UBTD1: variants seen among roughly 807,000 people sequenced by gnomAD.
UBTD1 encodes the protein ubiquitin domain containing 1.
A neutral mutation model predicts 21.7 loss-of-function variants in UBTD1; 19 were observed. That is an observed-to-expected ratio of 0.87 (90% CI 0.61 to 1.28). The LOEUF (loss-of-function observed/expected upper bound fraction) is 1.28. Ranked by LOEUF, UBTD1 falls within the 50% of genes most tolerant of loss-of-function variation. The pLI, the probability that UBTD1 is intolerant of heterozygous loss-of-function variation, is 0.00. For synonymous variants in UBTD1, 116 were observed against 135.1 expected, an observed-to-expected ratio of 0.86 and a Z score of 0.98; for missense variants, 282 against 315.1, an observed-to-expected ratio of 0.89 and a Z score of 0.80.
At chr10:97,569,073 T>C (rs887299385) in intron 2 of UBTD1, among the ~76,000 whole-genome samples, 3 of 152,232 alleles carry the variant, frequency 2.0e-5, no homozygotes, top group African/African-American at 7.2e-5. Context: ...TCCGCCCGCC[T>C]TGGCCTCCCG....
intron 1 of UBTD1, among the ~76,000 whole-genome samples, chr10:97,543,482 T>A (rs2040595488): frequency 6.6e-6 from 1 of 152,192 alleles, no homozygotes; most frequent in African/African-American, 2.4e-5. Context: ...GGACTCGGCA[T>A]GTTAGGCATT....
At chr10:97,547,511 G>A (rs1355297774) in intron 1 of UBTD1, among the ~76,000 whole-genome samples, 8 of 152,074 alleles carry the variant, frequency 5.3e-5, no homozygotes, top group Admixed American at 2.0e-4. Context: ...TAACCCCTGC[G>A]TTCTGCTGCA....
intron 1 of UBTD1, among the ~76,000 whole-genome samples, chr10:97,518,655 A>C (rs2040454596): frequency 6.6e-6 from 1 of 152,226 alleles, no homozygotes; most frequent in Non-Finnish European, 1.5e-5. Flanking sequence ...AAAGTGCAGC[A>C]GCTGTGCATC....
At chr10:97,550,288 T>C (rs1188017122) in intron 1 of UBTD1, among the ~76,000 whole-genome samples, 1 of 152,170 alleles carries the variant, frequency 6.6e-6, no homozygotes, top group South Asian at 2.1e-4. Context: ...AGCTTGGGGA[T>C]TGCCGCAGGT....
At chr10:97,516,714 G>A (rs1402645317) in intron 1 of UBTD1, among the ~76,000 whole-genome samples, 1 of 152,070 alleles carries the variant, frequency 6.6e-6, no homozygotes, top group African/African-American at 2.4e-5. Flanking sequence ...GGCAGAGGTT[G>A]CAGCCGAGAT....
intron 1 of UBTD1, among the ~76,000 whole-genome samples, chr10:97,559,048 G>C (rs1469468709): frequency 1.3e-5 from 2 of 152,198 alleles, no homozygotes; most frequent in African/African-American, 4.8e-5. Context: ...ATAAGCTCTT[G>C]AAAATTCTTA....
chr10:97,555,762 C>A (rs1436282723), intron 1 of UBTD1, among the ~76,000 whole-genome samples: 1 of 152,146 alleles, frequency 6.6e-6, no homozygotes, highest in African/African-American at 2.4e-5. Context: ...TGAATGACAT[C>A]GGTTTCTAAG....
At chr10:97,537,660 C>T (rs1016300215) in intron 1 of UBTD1, among the ~76,000 whole-genome samples, 6 of 152,082 alleles carry the variant, frequency 3.9e-5, no homozygotes, top group African/African-American at 1.4e-4. Context: ...CCCACCTGGG[C>T]CCTCCCAGCC....
chr10:97,532,108 G>GT (rs372179293), intron 1 of UBTD1, among the ~76,000 whole-genome samples: 24 of 152,290 alleles, frequency 1.6e-4, no homozygotes, highest in African/African-American at 5.8e-4. Flanking sequence ...AGGTGAGAGA[G>GT]TCAAGGAGTA....
At chr10:97,526,152 AGGATTCGATCTCT>A (rs1378783487) in intron 1 of UBTD1, among the ~76,000 whole-genome samples, 1 of 152,196 alleles carries the variant, frequency 6.6e-6, no homozygotes, top group Non-Finnish European at 1.5e-5. Context: ...GGCGAAGCAG[AGGATTCGATCTCT>A]GGCAGGGCTT....
chr10:97,522,365 T>A (rs553328362), intron 1 of UBTD1, among the ~76,000 whole-genome samples: 1 of 152,342 alleles, frequency 6.6e-6, no homozygotes, highest in South Asian at 2.1e-4. Flanking sequence ...TGAGAGCAGC[T>A]CCCTCCGATC....
chr10:97,536,851 T>TG (rs2040564158), intron 1 of UBTD1, among the ~76,000 whole-genome samples: 1 of 151,912 alleles, frequency 6.6e-6, no homozygotes, highest in African/African-American at 2.4e-5. Flanking sequence ...TGTCCAGTGG[T>TG]GGAGTCATTC....
chr10:97,537,204 G>A (rs2040566889), intron 1 of UBTD1, among the ~76,000 whole-genome samples: 1 of 152,164 alleles, frequency 6.6e-6, no homozygotes, highest in South Asian at 2.1e-4. Flanking sequence ...GGAATTGTGT[G>A]TTGAAATGAA....
chr10:97,541,596 C>G, intron 1 of UBTD1, among the ~76,000 whole-genome samples: 1 of 152,176 alleles, frequency 6.6e-6, no homozygotes, highest in East Asian at 1.9e-4. Context: ...GTCCTCACTG[C>G]AGTCCCTCTA....
chr10:97,507,246 G>A (rs999815894), intron 1 of UBTD1, among the ~76,000 whole-genome samples: 5 of 152,192 alleles, frequency 3.3e-5, no homozygotes, highest in African/African-American at 4.8e-5. Flanking sequence ...CCATCCTAAT[G>A]AGTGTGAAGT....
At position 97,502,456 on chromosome 10, in the gene UBTD1, A is replaced by T. The variant is rs114805037; in HGVS notation, c.70+3183A>T. On this transcript the variant is annotated intron_variant, in intron 1 of 2. Transcript: ENST00000370664. ...TAACTCTTACCTTCCTTTGGCACTA[A>T]TGTAATGGGAAGAAAGCCTCAACAG... Among the ~76,000 whole-genome samples, 1,115 of 152,240 alleles carry T rather than the reference A, an allele frequency of 7.3e-3. 10 individuals are homozygous for T. Among genetic ancestry groups the T allele is most frequent in the African/African-American group, 0.025 (1,047 of 41,518 alleles).
rs140394657 is a variant in UBTD1 at position 97,564,937 on chromosome 10, A to G, written c.71-2977A>G. 5.3e-5 allele frequency among the ~76,000 whole-genome samples: 8 copies of G among 152,292 alleles called. No individual in the cohort carries two copies. In the East Asian group the frequency reaches 7.7e-4, roughly 15 times the overall value. ...CTTAAGATAATAACTCTTTCAACCA[A>G]TTGCCAACCAGAACATCTTTAAATC... On this transcript the variant is annotated intron_variant, in intron 1 of 2. Transcript: ENST00000370664.
intron 1 of UBTD1, among the ~76,000 whole-genome samples, chr10:97,552,481 C>A (rs145253015): frequency 6.8e-6 from 1 of 147,550 alleles, no homozygotes; most frequent in Non-Finnish European, 1.5e-5. Flanking sequence ...CTGCAACCTC[C>A]GCCTCCTCAG....
At chr10:97,552,344 T>C (rs2040642183) in intron 1 of UBTD1, among the ~76,000 whole-genome samples, 2 of 150,992 alleles carry the variant, frequency 1.3e-5, no homozygotes, top group African/African-American at 4.9e-5. Flanking sequence ...GCCTGAGTGA[T>C]AGAGCCAGAC....
Sources: gnomAD v4.1 joint callset for allele counts (sites outside exome capture counted in the v4.1 genomes callset) on GRCh38, gnomAD v4.1.1 for gene constraint, MANE v1.5 for transcripts, NCBI Gene and HGNC (gene_info 2026-07-23, HGNC 2026-07-21) for gene names.